The following ANGPT4 variants were observed in gnomAD, a reference collection of about 807,000 sequenced individuals.
The protein encoded by ANGPT4 is angiopoietin-4.
A neutral mutation model predicts 53.0 loss-of-function variants in ANGPT4; 50 were observed. That is an observed-to-expected ratio of 0.94 (90% confidence interval 0.75 to 1.20). The LOEUF is 1.20. Ranked by LOEUF, ANGPT4 falls within the 50% of genes most tolerant of loss-of-function variation. The pLI, the probability that ANGPT4 is intolerant of heterozygous loss-of-function variation, is 0.00. For synonymous variants in ANGPT4, 251 were observed against 259.7 expected, an observed-to-expected ratio of 0.97 and a Z score of 0.32; for missense variants, 648 against 637.1, an observed-to-expected ratio of 1.02 and a Z score of -0.18.
chr20:881,314 T>C, intron 4 of ANGPT4, 28 bp from the exon 5 acceptor site: 1 of 1,605,070 alleles, frequency 6.2e-7, no homozygotes, highest in Non-Finnish European at 8.5e-7. Context: ...AAAAGTCAGT[T>C]GGAGGTGGGC....
At chr20:890,565 C>T (rs558000741) in intron 1 of ANGPT4, among the ~76,000 whole-genome samples, 197 bp from the exon 2 acceptor site, 1 of 152,138 alleles carries the variant, frequency 6.6e-6, no homozygotes, top group Non-Finnish European at 1.5e-5. Context: ...ATTTATATGC[C>T]TGTTTTGTCT....
chr20:890,822 A>T (rs1277924319), intron 1 of ANGPT4, among the ~76,000 whole-genome samples: 1 of 152,034 alleles, frequency 6.6e-6, no homozygotes. Context: ...GCTCCATGAC[A>T]TCCCTCTAAC....
intron 1 of ANGPT4, among the ~76,000 whole-genome samples, chr20:902,263 A>G (rs573102210): frequency 2.5e-3 from 388 of 152,282 alleles, no homozygotes; most frequent in Non-Finnish European, 4.7e-3. Context: ...TAGTATATAA[A>G]CACTAGGAGT....
In ANGPT4 at chr20:915,965, T is replaced by C. The variant is rs933148834; in HGVS notation, c.250A>G (p.Thr84Ala). Residue 84 changes from threonine to alanine, a missense_variant, in exon 1 of 9, where the codon ACC (threonine) becomes GCC (alanine). Thr to Ala is a moderately conservative substitution (Grantham distance 58). Transcript: ENST00000381922. ...TGCTCCAGCTGTTTCACCTGCTGGG[T>C]GGGCAACTTCCCCAGGTGCAGTGGG... ...ANPLHLGKLP[T>A]QQVKQLEQAL... is the part of the protein sequence containing the mutation. The C allele has an allele frequency of 4.3e-6, 7 of 1,609,454 alleles. No individual in the cohort carries two copies. In the Admixed American group the frequency reaches 1.2e-4, roughly 27 times the overall value.
At position 873,034 on chromosome 20, in the gene ANGPT4, G is replaced by A. The variant is rs949137202; in HGVS notation, c.1438C>T (p.Arg480Cys). 31 of 1,614,014 alleles carry A rather than the reference G, an allele frequency of 1.9e-5. No homozygotes were observed. The highest frequency in any genetic ancestry group is 1.6e-4 in the Middle Eastern group (1 of 6,084). ...CTGGGGCCCTTGAAGTAGTGCCAGC[G>A]GATGCCGTCCATCTTGTACTTGTTG... ...PDNKYKMDGI[R>C]WHYFKGPSYS... The change falls in exon 9 of 9, where the codon CGC becomes TGC. Residue 480 changes from arginine to cysteine, a missense_variant. Transcript: ENST00000381922.
At chr20:902,570 C>T (rs1982327693) in intron 1 of ANGPT4, among the ~76,000 whole-genome samples, 1 of 152,190 alleles carries the variant, frequency 6.6e-6, no homozygotes, top group African/African-American at 2.4e-5. Flanking sequence ...TGACCCACCA[C>T]TCAGTCTTGT....
intron 1 of ANGPT4, among the ~76,000 whole-genome samples, chr20:897,337 A>T (rs1982096378): frequency 6.6e-6 from 1 of 152,220 alleles, no homozygotes; most frequent in Admixed American, 6.5e-5. Context: ...CCTCAGATCA[A>T]ACAGCCCAAG....
chr20:891,204 G>A (rs1221892084), intron 1 of ANGPT4, among the ~76,000 whole-genome samples: 1 of 152,206 alleles, frequency 6.6e-6, no homozygotes, highest in African/African-American at 2.4e-5. Context: ...TCCTCAGGGT[G>A]AGTCAGCCAG....
At chr20:894,197 C>A (rs1169730037) in intron 1 of ANGPT4, among the ~76,000 whole-genome samples, 1 of 152,154 alleles carries the variant, frequency 6.6e-6, no homozygotes, top group East Asian at 1.9e-4. Context: ...AGTGAGCTCT[C>A]TGATTGGTTG....
rs1185201817 is a variant in ANGPT4, at chr20:870,969, A to T, written c.*1991T>A. Reference sequence around the variant, plus strand: ...TACAGATGGGAAAACTGAGGCTTTGATGATGTGAAGATAACTGGTGCCTTG... The same window carrying T: ...TACAGATGGGAAAACTGAGGCTTTGTTGATGTGAAGATAACTGGTGCCTTG... On this transcript the variant is annotated 3_prime_UTR_variant, in exon 9 of 9. Coordinates refer to ENST00000381922, the MANE Select transcript of ANGPT4 (RefSeq NM_015985.4). 1 of 152,222 alleles carries T rather than the reference A, an allele frequency of 6.6e-6. No individual in the cohort carries two copies. The highest frequency in any genetic ancestry group is 1.5e-5 in the Non-Finnish European group (1 of 68,066). The allele number at this position is 152,222 out of a possible 1,614,324, so 9.4% of individuals were successfully genotyped here.
intron 1 of ANGPT4, among the ~76,000 whole-genome samples, chr20:913,648 C>T (rs1982798205): frequency 6.6e-6 from 1 of 152,208 alleles, no homozygotes; most frequent in South Asian, 2.1e-4. Flanking sequence ...GCATCCGACA[C>T]CCAGGGGATT....
intron 3 of ANGPT4, among the ~76,000 whole-genome samples, chr20:887,085 TGA>T (rs2122791237): frequency 1.3e-5 from 2 of 152,320 alleles, no homozygotes; most frequent in South Asian, 4.1e-4. Context: ...GGTGGGTGGC[TGA>T]GAGACAGGGC....
At position 870,975 on chromosome 20, in the gene ANGPT4, T is replaced by G. The variant is rs1411191; in HGVS notation, c.*1985A>C. On this transcript the variant is annotated 3_prime_UTR_variant, in exon 9 of 9. Coordinates refer to ENST00000381922, the MANE Select transcript of ANGPT4 (RefSeq NM_015985.4). The stretch of plus-strand genomic sequence containing the variant: ...TGGGAAAACTGAGGCTTTGATGATG[T>G]GAAGATAACTGGTGCCTTGAGAGGC... 6.6e-6 allele frequency: 1 copy of G among 152,118 alleles called. No homozygotes were observed. Among genetic ancestry groups the G allele is most frequent in the South Asian group, 2.1e-4 (1 of 4,828 alleles). The allele number at this position is 152,118 out of a possible 1,614,324, so 9.4% of individuals were successfully genotyped here. A position where few individuals can be genotyped will look rare whatever the true frequency, so the allele number is the denominator to read the frequency against.
chr20:873,898 A>C (rs1048452131), intron 8 of ANGPT4, among the ~76,000 whole-genome samples: 1 of 152,104 alleles, frequency 6.6e-6, no homozygotes, highest in Admixed American at 6.5e-5. Flanking sequence ...ACCAAGGAAC[A>C]CTGCCTGAGC....
chr20:884,305 A>AAAACC (rs1981522831), intron 4 of ANGPT4, among the ~76,000 whole-genome samples: 1 of 152,148 alleles, frequency 6.6e-6, no homozygotes, highest in African/African-American at 2.4e-5. Context: ...TATGCACTCA[A>AAAACC]AAACCATGTA....
chr20:902,535 C>T (rs953814568), intron 1 of ANGPT4, among the ~76,000 whole-genome samples: 2 of 152,150 alleles, frequency 1.3e-5, no homozygotes, highest in Non-Finnish European at 2.9e-5. Context: ...ATACTCACCT[C>T]AGCCTCAAAA....
At chr20:915,235 A>G (rs1056421696) in intron 1 of ANGPT4, among the ~76,000 whole-genome samples, 19 of 120,780 alleles carry the variant, frequency 1.6e-4, no homozygotes, top group African/African-American at 7.6e-4. Context: ...CCCCCCCCCC[A>G]GCTGCATGGC....
chr20:892,823 C>T (rs185426876), intron 1 of ANGPT4, among the ~76,000 whole-genome samples: 182 of 152,290 alleles, frequency 1.2e-3, no homozygotes, highest in African/African-American at 2.7e-3. Context: ...AGCACCACCA[C>T]GCGCAGTTCC....
chr20:892,363 A>G (rs892007851), intron 1 of ANGPT4, among the ~76,000 whole-genome samples: 2 of 152,192 alleles, frequency 1.3e-5, no homozygotes, highest in Non-Finnish European at 2.9e-5. Context: ...TGGAAGGCTA[A>G]GGAGAGTGGA....
Sources: allele counts gnomAD v4.1 joint callset (sites outside exome capture counted in the v4.1 genomes callset), GRCh38; gene constraint gnomAD v4.1.1; transcripts MANE v1.5; gene names NCBI Gene and HGNC (gene_info 2026-07-23, HGNC 2026-07-21).